Variants in NELL1 observed in about 807,000 individuals in gnomAD.
NELL1 encodes neural EGFL like 1.
A neutral mutation model predicts 107.4 loss-of-function variants in NELL1; 76 were observed. That is an observed-to-expected ratio of 0.71 (90% CI 0.59 to 0.86). NELL1 has a LOEUF of 0.86. Ranked by LOEUF, NELL1 falls within the 40% of genes least tolerant of loss-of-function variation. The probability of loss-of-function intolerance (pLI) is 0.00; values close to 1 mark genes in which losing one functional copy is unlikely to be tolerated. For missense variants in NELL1, 1,024 were observed against 1,005.5 expected (o/e 1.02, Z -0.25); for synonymous variants, 353 against 341.2 (o/e 1.03, Z -0.38).
intron 13 of NELL1, among the ~76,000 whole-genome samples, chr11:21,156,409 G>GGA (rs1230126149): frequency 6.6e-6 from 1 of 152,114 alleles, no homozygotes; most frequent in African/African-American, 2.4e-5. Flanking sequence ...TGTCGGTTAG[G>GGA]GAGACAAGAG....
At chr11:20,774,652 A>G (rs1856713781) in intron 2 of NELL1, among the ~76,000 whole-genome samples, 1 of 152,164 alleles carries the variant, frequency 6.6e-6, no homozygotes, top group African/African-American at 2.4e-5. Flanking sequence ...TTTTGTCCAC[A>G]GTGCTGGTTC....
chr11:21,149,642 A>G (rs938541378), intron 13 of NELL1, among the ~76,000 whole-genome samples: 4 of 152,212 alleles, frequency 2.6e-5, no homozygotes, highest in African/African-American at 7.2e-5. Flanking sequence ...GACACAGCCA[A>G]ACCATATCAA....
chr11:20,693,100 G>A (rs573895405), intron 2 of NELL1, among the ~76,000 whole-genome samples: 1 of 151,662 alleles, frequency 6.6e-6, no homozygotes, highest in Non-Finnish European at 1.5e-5. Flanking sequence ...CAGAGACTAG[G>A]ATTGCAACCC....
intron 16 of NELL1, among the ~76,000 whole-genome samples, chr11:21,539,218 C>T (rs981827575): frequency 5.3e-5 from 8 of 152,048 alleles, no homozygotes; most frequent in African/African-American, 1.9e-4. Context: ...TACAGATGTG[C>T]AGGAGCTGGG....
intron 14 of NELL1, among the ~76,000 whole-genome samples, chr11:21,286,672 G>C (rs1185292867): frequency 6.6e-6 from 1 of 152,142 alleles, no homozygotes; most frequent in Non-Finnish European, 1.5e-5. Context: ...TGTTAAAGAT[G>C]GTCATTTTCA....
intron 12 of NELL1, among the ~76,000 whole-genome samples, chr11:21,065,191 C>G (rs1440410490): frequency 6.6e-6 from 1 of 151,946 alleles, no homozygotes; most frequent in Admixed American, 6.6e-5. Context: ...TCTGGATACC[C>G]CGAGAACAGT....
At chr11:21,484,766 T>C (rs1168050802) in intron 15 of NELL1, among the ~76,000 whole-genome samples, 1 of 152,174 alleles carries the variant, frequency 6.6e-6, no homozygotes. Flanking sequence ...TCATAGGATA[T>C]ATTCTCCAAA....
At chr11:21,037,482 C>G (rs558609648) in intron 12 of NELL1, among the ~76,000 whole-genome samples, 1 of 152,112 alleles carries the variant, frequency 6.6e-6, no homozygotes, top group Non-Finnish European at 1.5e-5. Context: ...TCCTCATTAT[C>G]CATCTCCCTT....
At chr11:21,165,321 T>A (rs1856455799) in intron 13 of NELL1, among the ~76,000 whole-genome samples, 1 of 152,194 alleles carries the variant, frequency 6.6e-6, no homozygotes, top group Non-Finnish European at 1.5e-5. Flanking sequence ...TAGGCCCAAA[T>A]TTTAAATACT....
At chr11:20,745,099 T>C (rs1855974457) in intron 2 of NELL1, among the ~76,000 whole-genome samples, 1 of 152,226 alleles carries the variant, frequency 6.6e-6, no homozygotes, top group South Asian at 2.1e-4. Flanking sequence ...GTTTTGTTCA[T>C]GTGTTTATTG....
chr11:20,701,761 G>A (rs1348473211), intron 2 of NELL1, among the ~76,000 whole-genome samples: 61 of 151,408 alleles, frequency 4.0e-4, no homozygotes, highest in African/African-American at 8.5e-4. Context: ...TTTATTAAAT[G>A]GGGAATCCTT....
chr11:20,931,689 C>A (rs1374000300), intron 9 of NELL1, among the ~76,000 whole-genome samples: 1 of 152,046 alleles, frequency 6.6e-6, no homozygotes, highest in East Asian at 1.9e-4. Flanking sequence ...TGGATTGGAT[C>A]ATTTAATCCA....
At chr11:20,698,623 G>T (rs1854684516) in intron 2 of NELL1, among the ~76,000 whole-genome samples, 1 of 152,092 alleles carries the variant, frequency 6.6e-6, no homozygotes, top group Admixed American at 6.6e-5. Flanking sequence ...TAAATTCATG[G>T]TGTGAGAAAA....
chr11:21,348,155 A>G (rs1458884375), intron 14 of NELL1, among the ~76,000 whole-genome samples: 1 of 152,208 alleles, frequency 6.6e-6, no homozygotes, highest in Non-Finnish European at 1.5e-5. Context: ...TCTAGATAGA[A>G]TCATTAAGAT....
intron 15 of NELL1, among the ~76,000 whole-genome samples, chr11:21,437,433 C>T (rs896419251): frequency 2.0e-5 from 3 of 152,114 alleles, no homozygotes; most frequent in East Asian, 3.9e-4. Flanking sequence ...GATCTCGGCT[C>T]ACCGCAACCT....
At chr11:20,715,423 C>A (rs1329904432) in intron 2 of NELL1, among the ~76,000 whole-genome samples, 13 of 151,728 alleles carry the variant, frequency 8.6e-5, no homozygotes, top group Non-Finnish European at 1.5e-5. Context: ...AAATTGAGAC[C>A]CAGGAGGTTC....
chr11:21,032,807 C>A (rs1196679471), intron 12 of NELL1, among the ~76,000 whole-genome samples: 1 of 152,146 alleles, frequency 6.6e-6, no homozygotes, highest in Admixed American at 6.5e-5. Flanking sequence ...TTATACTGCA[C>A]AGTCATGTTG....
chr11:21,388,070 A>C (rs1440104534), intron 15 of NELL1, among the ~76,000 whole-genome samples: 1 of 116,486 alleles, frequency 8.6e-6, no homozygotes, highest in African/African-American at 3.4e-5. Context: ...CTGGTGTTTA[A>C]AATTCTATGT....
intron 13 of NELL1, among the ~76,000 whole-genome samples, chr11:21,153,061 T>G (rs926681583): frequency 6.6e-6 from 1 of 152,240 alleles, no homozygotes; most frequent in Non-Finnish European, 1.5e-5. Flanking sequence ...TTTATGCAGA[T>G]GGCATATAGC....
Sources: allele counts gnomAD v4.1 joint callset (sites outside exome capture counted in the v4.1 genomes callset), GRCh38; gene constraint gnomAD v4.1.1; transcripts MANE v1.5; gene names NCBI Gene and HGNC (gene_info 2026-07-23, HGNC 2026-07-21).